Variants in SRSF10 observed in about 807,000 individuals in gnomAD.
The protein encoded by SRSF10 is serine/arginine-rich splicing factor 10.
SRSF10 carries 9 observed loss-of-function variants against 32.6 expected under a neutral mutation model. That is an observed-to-expected ratio of 0.28 (90% CI 0.17 to 0.48). SRSF10 has a LOEUF of 0.48. SRSF10 is among the 20% of genes least tolerant of loss of function. The probability of loss-of-function intolerance (pLI) is 0.99; values close to 1 mark genes in which losing one functional copy is unlikely to be tolerated. For missense variants in SRSF10, 201 were observed against 331.8 expected (o/e 0.61, Z 3.06); for synonymous variants, 105 against 112.4 (o/e 0.93, Z 0.42).
chr1:23,968,042 C>A lies in SRSF10; in HGVS notation c.*3100G>T, dbSNP rs1191476309. ...AGCCCTCATTTGAGTGTTGATATAACCATTCTATTTATCATTGAGCCCAGT... is the reference window on the plus strand; with the variant it reads ...AGCCCTCATTTGAGTGTTGATATAAACATTCTATTTATCATTGAGCCCAGT... On this transcript the variant is annotated 3_prime_UTR_variant, in exon 6 of 6. Coordinates refer to ENST00000492112, the MANE Select transcript of SRSF10 (RefSeq NM_054016.4). The A allele has an allele frequency of 5.2e-6, 8 of 1,525,318 alleles. No homozygotes were observed. The Admixed American group carries it at 1.0e-4, about 20-fold the overall frequency. The allele number at this position is 1,525,318 out of a possible 1,614,324, so 94.5% of individuals were successfully genotyped here.
rs1641997899 is a variant in SRSF10 at position 23,974,961 on chromosome 1, T to A, written c.274+13A>T. The A allele has an allele frequency of 1.3e-6, 2 of 1,577,378 alleles. No homozygotes were observed. ...AATAATGTTTCATACATATCAGGCA[T>A]AAGGGTACTTACTCTTTCGATCCCC... On this transcript the variant is annotated intron_variant, in intron 3 of 5. Transcript: ENST00000492112.
Position 23,967,559 on chromosome 1 carries a change from C to T in SRSF10, c.*3583G>A. 1 of 653,900 alleles carries T rather than the reference C, an allele frequency of 1.5e-6. No individual in the cohort carries two copies. The highest frequency in any genetic ancestry group is 2.7e-6 in the Non-Finnish European group (1 of 366,658). The allele number at this position is 653,900 out of a possible 1,614,324, so 40.5% of individuals were successfully genotyped here. A position where few individuals can be genotyped will look rare whatever the true frequency, so the allele number is the denominator to read the frequency against. ...GTAGTTTTCGATAACATTCTTTTAT[C>T]TTTTCAGACCAGAGTCAAAATATTC... On this transcript the variant is annotated 3_prime_UTR_variant, in exon 6 of 6. Transcript: ENST00000492112.
intron 1 of SRSF10, among the ~76,000 whole-genome samples, chr1:23,979,946 C>T (rs2148515748): frequency 6.6e-6 from 1 of 151,348 alleles, no homozygotes; most frequent in South Asian, 2.1e-4. Flanking sequence ...AAAGGGGCTG[C>T]AAACTGCGGA....
chr1:23,975,201 C>T (rs966104563), intron 2 of SRSF10, 124 bp from the exon 3 acceptor site: 10 of 762,470 alleles, frequency 1.3e-5, no homozygotes, highest in Non-Finnish European at 2.1e-5. Context: ...CAGACCCCCA[C>T]TTACTAGTTG....
At chr1:23,979,436 A>C (rs1642313479) in intron 1 of SRSF10, among the ~76,000 whole-genome samples, 1 of 151,664 alleles carries the variant, frequency 6.6e-6, no homozygotes, top group African/African-American at 2.4e-5. Flanking sequence ...TGAAATAAAA[A>C]GCCTCATCTT....
At position 23,979,288 on chromosome 1, in the gene SRSF10, GAATT is replaced by G. The variant is rs1161208237; in HGVS notation, c.66-475_66-472del. ...ACGTAACTATTAGAAATTATGGAAAGAATTATTTATGGAAAGAATTATTGCTTTC... is the reference window on the plus strand; with the variant it reads ...ACGTAACTATTAGAAATTATGGAAAGATTTATGGAAAGAATTATTGCTTTC... On this transcript the variant is annotated intron_variant, in intron 1 of 5. Transcript: ENST00000492112. Among the ~76,000 whole-genome samples, 116 of 55,052 alleles carry G rather than the reference GAATT, an allele frequency of 2.1e-3. 1 individual carries two copies. The highest frequency in any genetic ancestry group is 4.4e-3 in the African/African-American group (113 of 25,416). The allele number at this position is 55,052 out of a possible 152,430, so 36.1% of individuals were successfully genotyped here.
At position 23,971,544 on chromosome 1, in the gene SRSF10, TG is replaced by T. The variant is rs963649982; in HGVS notation, c.491+28del. The T allele has an allele frequency of 5.6e-5, 89 of 1,601,980 alleles. No homozygotes were observed. The South Asian group carries it at 6.1e-4, about 11-fold the overall frequency. On this transcript the variant is annotated intron_variant, in intron 5 of 5. Transcript: ENST00000492112. ...GTTCACTCTGAAATTAAAAAATACA[TG>T]AGTCTTTTTCAAAGCAAAGTTATTT...
At chr1:23,979,053 C>CGTTT in intron 1 of SRSF10, 1 of 81,042 alleles carries the variant, frequency 1.2e-5, no homozygotes, top group Non-Finnish European at 2.2e-5. Context: ...TGTATATAAG[C>CGTTT]CTTGTTTTTT....
rs1557562614 is a variant in SRSF10 at position 23,970,798 on chromosome 1, C to T, written c.*344G>A. ...AAGCTACATTTCTAGGTTAACAGTT[C>T]TACCAAATATGAATATGAAAGTTTA... is the stretch of plus-strand genomic sequence containing the variant. On this transcript the variant is annotated 3_prime_UTR_variant, in exon 6 of 6. Coordinates refer to ENST00000492112, the MANE Select transcript of SRSF10 (RefSeq NM_054016.4). 3.8e-6 allele frequency: 4 copies of T among 1,048,734 alleles called. No homozygotes were observed. The highest frequency in any genetic ancestry group is 7.2e-5 in the South Asian group (2 of 27,708). The allele number at this position is 1,048,734 out of a possible 1,614,324, so 65.0% of individuals were successfully genotyped here. A position where few individuals can be genotyped will look rare whatever the true frequency, so the allele number is the denominator to read the frequency against.
At chr1:23,976,979 A>G (rs1006133784) in intron 2 of SRSF10, 4 of 152,176 alleles carry the variant, frequency 2.6e-5, no homozygotes, top group South Asian at 4.1e-4. Context: ...TCTTGAATCA[A>G]ACTACTACTG....
At chr1:23,973,652 A>C (rs1641906676) in intron 3 of SRSF10, among the ~76,000 whole-genome samples, 1 of 152,142 alleles carries the variant, frequency 6.6e-6, no homozygotes. Context: ...GAAAAAAATG[A>C]CCACTGAACC....
In SRSF10 at chr1:23,967,366, A is replaced by C. The variant is rs1235421996; in HGVS notation, c.*3776T>G. 7.2e-6 allele frequency: 2 copies of C among 276,020 alleles called. No individual in the cohort carries two copies. The highest frequency in any genetic ancestry group is 1.4e-5 in the Non-Finnish European group (2 of 145,966). 17.1% of individuals were successfully genotyped at this position (276,020 alleles called of 1,614,324 possible). ...TAAGAGACTATGGCTGTCTTCCTTG[A>C]TATTCAGACATCCTAGTTTCCAATA... On this transcript the variant is annotated 3_prime_UTR_variant, in exon 6 of 6. Transcript: ENST00000492112.
At chr1:23,979,628 CT>C (rs1642327925) in intron 1 of SRSF10, among the ~76,000 whole-genome samples, 2 of 152,190 alleles carry the variant, frequency 1.3e-5, no homozygotes, top group Admixed American at 1.3e-4. Context: ...AGAAAAACTA[CT>C]CGCAACATTT....
Position 23,970,294 on chromosome 1 carries a change from G to C in SRSF10, c.*848C>G, listed in dbSNP as rs1399449325. 5 of 984,328 alleles carry C rather than the reference G, an allele frequency of 5.1e-6. No homozygotes were observed. The African/African-American group carries it at 8.8e-5, about 17-fold the overall frequency. 61.0% of individuals were successfully genotyped at this position (984,328 alleles called of 1,614,324 possible). A position where few individuals can be genotyped will look rare whatever the true frequency, so the allele number is the denominator to read the frequency against. The stretch of plus-strand genomic sequence containing the variant: ...TTTCCCAGCTGGCATCATTCCCCAA[G>C]ACAGTGGGGTTAACAAAAGAACTAA... On this transcript the variant is annotated 3_prime_UTR_variant, in exon 6 of 6. Coordinates refer to ENST00000492112, the MANE Select transcript of SRSF10 (RefSeq NM_054016.4).
Position 23,967,093 on chromosome 1 carries a change from G to A in SRSF10, c.*4049C>T. 6.6e-6 allele frequency: 1 copy of A among 152,308 alleles called. No individual in the cohort carries two copies. The highest frequency in any genetic ancestry group is 1.5e-5 in the Non-Finnish European group (1 of 68,044). The allele number at this position is 152,308 out of a possible 1,614,324, so 9.4% of individuals were successfully genotyped here. A position where few individuals can be genotyped will look rare whatever the true frequency, so the allele number is the denominator to read the frequency against. On this transcript the variant is annotated 3_prime_UTR_variant, in exon 6 of 6. Coordinates refer to ENST00000492112, the MANE Select transcript of SRSF10 (RefSeq NM_054016.4). ...CTAGGAAAGAGGTGAGAAGAGATGG[G>A]CCCTCTTAGCTGGATGTCAAATATA...
intron 1 of SRSF10, among the ~76,000 whole-genome samples, chr1:23,979,664 ATC>A (rs1642329508): frequency 6.6e-6 from 1 of 152,144 alleles, no homozygotes. Flanking sequence ...AACTCCCCAA[ATC>A]TCAACGCTCC....
Position 23,967,892 on chromosome 1 carries a change from C to G in SRSF10, c.*3250G>C. 1 of 1,548,556 alleles carries G rather than the reference C, an allele frequency of 6.5e-7. No homozygotes were observed. Among genetic ancestry groups the G allele is most frequent in the East Asian group, 2.4e-5 (1 of 40,858 alleles). ...CTGGGATGTAACTTAACAGCTCATA[C>G]TCTATGTAGCACCTTTCCTCTCTCA... On this transcript the variant is annotated 3_prime_UTR_variant, in exon 6 of 6. Transcript: ENST00000492112.
At chr1:23,972,061 T>G (rs1244616728) in intron 3 of SRSF10, 49 bp from the exon 4 acceptor site, 2 of 1,409,184 alleles carry the variant, frequency 1.4e-6, no homozygotes, top group Admixed American at 2.7e-5. Context: ...AAAACAGTAT[T>G]AAAGCCCTCA....
chr1:23,966,010 A>G lies in SRSF10; in HGVS notation c.*5132T>C, dbSNP rs1256624289. On this transcript the variant is annotated 3_prime_UTR_variant, in exon 6 of 6. Transcript: ENST00000492112. Reference sequence around the variant, plus strand: ...ATACTTTTTGTAATTAAATCTAGTCACTTTGACTCTAAGTAAATTCTAGAT... The same window carrying G: ...ATACTTTTTGTAATTAAATCTAGTCGCTTTGACTCTAAGTAAATTCTAGAT... 6.6e-6 allele frequency: 1 copy of G among 151,926 alleles called. No individual in the cohort carries two copies. The highest frequency in any genetic ancestry group is 1.5e-5 in the Non-Finnish European group (1 of 67,836). 9.4% of individuals were successfully genotyped at this position (151,926 alleles called of 1,614,324 possible). A position where few individuals can be genotyped will look rare whatever the true frequency, so the allele number is the denominator to read the frequency against.
Sources: allele counts gnomAD v4.1 joint callset (sites outside exome capture counted in the v4.1 genomes callset), GRCh38; gene constraint gnomAD v4.1.1; transcripts MANE v1.5; gene names NCBI Gene and HGNC (gene_info 2026-07-23, HGNC 2026-07-21).